The following RGS7 variants were observed in gnomAD, a reference collection of about 807,000 sequenced individuals.
The protein encoded by RGS7 is regulator of G protein signaling 7.
Under a neutral mutation model 81.1 loss-of-function variants are expected in RGS7, and 27 were observed. That is an observed-to-expected ratio of 0.33 (90% CI 0.25 to 0.46). The LOEUF (loss-of-function observed/expected upper bound fraction) is 0.46, where lower values mean the gene tolerates loss of function less well. RGS7 is among the 20% of genes least tolerant of loss of function. The probability of loss-of-function intolerance (pLI) is 1.00; values close to 1 mark genes in which losing one functional copy is unlikely to be tolerated. For missense variants in RGS7, 396 were observed against 607.4 expected (o/e 0.65, Z 3.66); for synonymous variants, 208 against 207.7 (o/e 1.00, Z -0.01).
At chr1:240,909,072 C>T (rs1671306194) in intron 6 of RGS7, among the ~76,000 whole-genome samples, 1 of 152,158 alleles carries the variant, frequency 6.6e-6, no homozygotes. Flanking sequence ...TGCACACGTC[C>T]TTGGATAATT....
intron 4 of RGS7, among the ~76,000 whole-genome samples, chr1:240,942,660 T>C (rs1677801367): frequency 6.6e-6 from 1 of 152,150 alleles, no homozygotes; most frequent in Non-Finnish European, 1.5e-5. Context: ...GAAACAGAGA[T>C]GCTAAAATGA....
At chr1:241,085,469 G>A (rs2063377029) in intron 3 of RGS7, among the ~76,000 whole-genome samples, 1 of 152,120 alleles carries the variant, frequency 6.6e-6, no homozygotes, top group Non-Finnish European at 1.5e-5. Context: ...CTGTCATCCA[G>A]ACTGGACTGC....
At chr1:241,235,960 G>GAC (rs201168935) in intron 2 of RGS7, among the ~76,000 whole-genome samples, 2 of 143,480 alleles carry the variant, frequency 1.4e-5, no homozygotes, top group Non-Finnish European at 3.1e-5. Flanking sequence ...GAGGAGAGGA[G>GAC]AGAGTAAGAG....
chr1:240,989,074 C>A (rs919850434), intron 3 of RGS7, among the ~76,000 whole-genome samples: 1 of 152,080 alleles, frequency 6.6e-6, no homozygotes, highest in Non-Finnish European at 1.5e-5. Context: ...ATAACATGAG[C>A]GACTGCTGCT....
chr1:241,281,801 T>C (rs911664995), intron 2 of RGS7, among the ~76,000 whole-genome samples: 3 of 152,244 alleles, frequency 2.0e-5, no homozygotes, highest in Admixed American at 6.5e-5. Context: ...TTTAATCAAC[T>C]ATTTATGTTA....
rs200590948 is a variant in RGS7 at position 241,342,359 on chromosome 1, C to T, written c.78+13340G>A. Reference sequence around the variant, plus strand: ...AGAGATTTAGCACGTGCTATTTTAACGTCCAGTGGAATGAAGGAGATCTCA... The same window carrying T: ...AGAGATTTAGCACGTGCTATTTTAATGTCCAGTGGAATGAAGGAGATCTCA... On this transcript the variant is annotated intron_variant, in intron 2 of 18. Transcript: ENST00000440928. 9.9e-5 allele frequency among the ~76,000 whole-genome samples: 15 copies of T among 152,226 alleles called. No homozygotes were observed. The East Asian group carries it at 2.3e-3, about 24-fold the overall frequency.
intron 2 of RGS7, among the ~76,000 whole-genome samples, chr1:241,123,436 C>T (rs1251535359): frequency 6.6e-6 from 1 of 152,156 alleles, no homozygotes; most frequent in Non-Finnish European, 1.5e-5. Context: ...GATACAATCA[C>T]TCAAAGGCTC....
chr1:240,866,186 T>C (rs1663196969), intron 9 of RGS7, among the ~76,000 whole-genome samples: 1 of 152,192 alleles, frequency 6.6e-6, no homozygotes, highest in Non-Finnish European at 1.5e-5. Flanking sequence ...CAGAGGCTCA[T>C]GACAACCCGA....
At chr1:241,250,479 T>G (rs1448953422) in intron 2 of RGS7, among the ~76,000 whole-genome samples, 4 of 152,100 alleles carry the variant, frequency 2.6e-5, no homozygotes, top group African/African-American at 9.7e-5. Context: ...TTTTTTTTTT[T>G]GGACACTCAC....
At chr1:240,836,435 G>A (rs1694748113) in intron 9 of RGS7, among the ~76,000 whole-genome samples, 1 of 152,156 alleles carries the variant, frequency 6.6e-6, no homozygotes, top group African/African-American at 2.4e-5. Context: ...TAGAGATGAT[G>A]TGAAGTGGTT....
chr1:241,164,670 C>A lies in RGS7; in HGVS notation c.79-65908G>T, dbSNP rs1272565893. On this transcript the variant is annotated intron_variant, in intron 2 of 18. Transcript: ENST00000440928. The surrounding 1 kb of genome is among the most constrained non-coding windows in gnomAD (Gnocchi z 4.1). ...CAATTTTTCTAGAGAAGTCAGATATCTGAACATTAATGTGAAATTTTCCAT... is the reference window on the plus strand; with the variant it reads ...CAATTTTTCTAGAGAAGTCAGATATATGAACATTAATGTGAAATTTTCCAT... 2.0e-5 allele frequency among the ~76,000 whole-genome samples: 3 copies of A among 152,124 alleles called. No homozygotes were observed. The highest frequency in any genetic ancestry group is 7.2e-5 in the African/African-American group (3 of 41,424).
intron 2 of RGS7, among the ~76,000 whole-genome samples, chr1:241,301,938 A>C (rs2079785931): frequency 1.3e-5 from 2 of 152,256 alleles, no homozygotes; most frequent in Non-Finnish European, 2.9e-5. Context: ...CGAGTAAAGA[A>C]GAAAAATACT....
chr1:240,812,130 T>C (rs1434825284), intron 13 of RGS7, 87 bp from the exon 14 acceptor site: 1 of 1,424,716 alleles, frequency 7.0e-7, no homozygotes, highest in East Asian at 2.3e-5. Context: ...AAATCATGTG[T>C]GCCTCGAAGT....
At chr1:241,171,889 C>T (rs574392476) in intron 2 of RGS7, among the ~76,000 whole-genome samples, 57 of 152,326 alleles carry the variant, frequency 3.7e-4, no homozygotes, top group Admixed American at 2.0e-3. Flanking sequence ...GCTAACGCAT[C>T]CTGTGGAGAA....
intron 3 of RGS7, among the ~76,000 whole-genome samples, chr1:241,057,149 T>C (rs2061513684): frequency 6.6e-6 from 1 of 152,166 alleles, no homozygotes. Context: ...TTGATAATTT[T>C]ATATTATGTA....
In RGS7 at chr1:241,306,128, TCACA is replaced by T. The variant is rs3052437; in HGVS notation, c.78+49567_78+49570del. Among the ~76,000 whole-genome samples, 212 of 149,750 alleles carry T rather than the reference TCACA, an allele frequency of 1.4e-3. 1 individual carries two copies. Among genetic ancestry groups the T allele is most frequent in the African/African-American group, 3.9e-3 (159 of 40,582 alleles). ...CTATATTCTTTCTCTCATCTCTTTT[TCACA>T]CACACACACACACACACTCACACAC... On this transcript the variant is annotated intron_variant, in intron 2 of 18. Coordinates refer to ENST00000440928, the MANE Select transcript of RGS7 (RefSeq NM_001364886.1).
At chr1:241,298,406 C>G (rs965168528) in intron 2 of RGS7, among the ~76,000 whole-genome samples, 8 of 152,256 alleles carry the variant, frequency 5.3e-5, no homozygotes, top group African/African-American at 1.9e-4. Context: ...AAATAAAGTG[C>G]CTTAATCCAA....
rs199988742 is a variant in RGS7, at chr1:241,169,196, T to C, written c.79-70434A>G. On this transcript the variant is annotated intron_variant, in intron 2 of 18. Coordinates refer to ENST00000440928, the MANE Select transcript of RGS7 (RefSeq NM_001364886.1). ...CATGTAATATATATGTTATATACAT[T>C]AACATGTCAATGTAGAAAATGATAT... Among the ~76,000 whole-genome samples the C allele has an allele frequency of 2.2e-4, 31 of 138,720 alleles. 1 individual carries two copies. The South Asian group carries it at 7.1e-3, about 32-fold the overall frequency. The allele number at this position is 138,720 out of a possible 152,430, so 91.0% of individuals were successfully genotyped here.
intron 2 of RGS7, among the ~76,000 whole-genome samples, chr1:241,261,496 G>T (rs1323881463): frequency 6.6e-6 from 1 of 151,980 alleles, no homozygotes; most frequent in East Asian, 1.9e-4. Context: ...CGGTGTGGTG[G>T]CACGTGCCTG....
Sources: gnomAD v4.1 joint callset for allele counts (sites outside exome capture counted in the v4.1 genomes callset) on GRCh38, gnomAD v4.1.1 for gene constraint, Gnocchi (gnomAD v3.1) non-coding constraint, MANE v1.5 for transcripts, NCBI Gene and HGNC (gene_info 2026-07-23, HGNC 2026-07-21) for gene names.